The following CSMD1 variants were observed in gnomAD, a reference collection of about 807,000 sequenced individuals.
CSMD1 encodes CUB and Sushi multiple domains 1.
A neutral mutation model predicts 417.5 loss-of-function variants in CSMD1; 213 were observed. The observed-to-expected ratio is 0.51, with a 90% CI of 0.46 to 0.57. The LOEUF (loss-of-function observed/expected upper bound fraction) is 0.57. Ranked by LOEUF, CSMD1 falls within the 20% of genes least tolerant of loss-of-function variation. The pLI is 0.00. For synonymous variants in CSMD1, 2,862 were observed against 1,736.8 expected, an observed-to-expected ratio of 1.65 and a Z score of -16.11; for missense variants, 6,923 against 4,529.7, an observed-to-expected ratio of 1.53 and a Z score of -15.17.
chr8:4,769,988 T>C (rs1258059439), intron 1 of CSMD1, among the ~76,000 whole-genome samples: 2 of 151,964 alleles, frequency 1.3e-5, no homozygotes, highest in African/African-American at 4.8e-5. Context: ...AGAAACTCTC[T>C]CTCCCTCCCT....
chr8:3,409,681 A>T (rs933085495), intron 12 of CSMD1, 76 bp from the exon 13 acceptor site: 2 of 1,186,684 alleles, frequency 1.7e-6, no homozygotes, highest in African/African-American at 3.1e-5. Flanking sequence ...CTTAGAAAGT[A>T]AATACGTGGC....
chr8:3,794,964 T>C (rs1410062060), intron 5 of CSMD1, among the ~76,000 whole-genome samples: 1 of 151,898 alleles, frequency 6.6e-6, no homozygotes, highest in East Asian at 1.9e-4. Context: ...ATATCTATCA[T>C]GTATAGCTAT....
At chr8:4,066,531 T>C (rs141011888) in intron 3 of CSMD1, among the ~76,000 whole-genome samples, 1 of 152,322 alleles carries the variant, frequency 6.6e-6, no homozygotes, top group East Asian at 1.9e-4. Flanking sequence ...TCTAAATGTA[T>C]CTACCTGAAA....
chr8:3,891,114 T>C (rs991360009), intron 5 of CSMD1, among the ~76,000 whole-genome samples: 3 of 152,104 alleles, frequency 2.0e-5, no homozygotes, highest in African/African-American at 7.2e-5. Context: ...AGTGTTGTGA[T>C]CTTGGCTCAT....
intron 2 of CSMD1, among the ~76,000 whole-genome samples, chr8:4,632,040 C>A (rs1001022439): frequency 6.6e-6 from 1 of 152,144 alleles, no homozygotes. Flanking sequence ...TCAATTGTTT[C>A]TGATTTGGGA....
At chr8:3,205,721 G>A in intron 30 of CSMD1, 101 bp from the exon 31 acceptor site, 1 of 506,142 alleles carries the variant, frequency 2.0e-6, no homozygotes, top group Non-Finnish European at 3.5e-6. Context: ...CACGTTTATT[G>A]AAAACTTGAC....
At chr8:3,401,421 T>C (rs1812031340) in intron 15 of CSMD1, among the ~76,000 whole-genome samples, 1 of 152,198 alleles carries the variant, frequency 6.6e-6, no homozygotes. Flanking sequence ...TTACAGTGTA[T>C]GTTAGAACCT....
intron 6 of CSMD1, among the ~76,000 whole-genome samples, chr8:3,745,883 G>A (rs540582069): frequency 1.4e-3 from 210 of 152,276 alleles, no homozygotes; most frequent in African/African-American, 4.9e-3. Flanking sequence ...GTAATTGCCT[G>A]GGGAGCAGTC....
intron 1 of CSMD1, among the ~76,000 whole-genome samples, chr8:4,937,697 G>A (rs888752638): frequency 6.6e-6 from 1 of 152,100 alleles, no homozygotes; most frequent in African/African-American, 2.4e-5. Flanking sequence ...TTCTTTAGGG[G>A]TATGAACGAT....
intron 6 of CSMD1, among the ~76,000 whole-genome samples, chr8:3,727,275 A>G (rs1403861051): frequency 6.6e-6 from 1 of 152,216 alleles, no homozygotes; most frequent in Non-Finnish European, 1.5e-5. Context: ...AATTCTACAT[A>G]CACATACCTT....
chr8:4,621,824 G>A (rs1563342152), intron 2 of CSMD1, among the ~76,000 whole-genome samples: 1 of 151,988 alleles, frequency 6.6e-6, no homozygotes, highest in Non-Finnish European at 1.5e-5. Flanking sequence ...AAAATCTAGT[G>A]TACCTTACGA....
chr8:4,045,447 C>T (rs1201387181), intron 3 of CSMD1, among the ~76,000 whole-genome samples: 3 of 152,132 alleles, frequency 2.0e-5, no homozygotes, highest in African/African-American at 4.8e-5. Context: ...CTGCTGAGAA[C>T]GTCGGAAGGG....
intron 2 of CSMD1, among the ~76,000 whole-genome samples, chr8:4,553,714 G>C (rs756565072): frequency 2.1e-4 from 32 of 152,146 alleles, no homozygotes; most frequent in Non-Finnish European, 4.3e-4. Flanking sequence ...GACGTTAATT[G>C]TGCCTCATGG....
At chr8:3,015,099 G>GAA (rs112300846) in intron 52 of CSMD1, among the ~76,000 whole-genome samples, 191 of 147,670 alleles carry the variant, frequency 1.3e-3, no homozygotes, top group East Asian at 8.7e-3. Context: ...GCTTCTTAAT[G>GAA]AAAAAAAAAA....
chr8:2,974,417 T>C, intron 56 of CSMD1, 34 bp downstream of exon 56: 4 of 1,483,298 alleles, frequency 2.7e-6, no homozygotes, highest in Non-Finnish European at 3.6e-6. Flanking sequence ...ATTTGAAATC[T>C]GTAATTCTGT....
At chr8:3,163,653 G>A (rs1820033342) in intron 37 of CSMD1, among the ~76,000 whole-genome samples, 1 of 151,870 alleles carries the variant, frequency 6.6e-6, no homozygotes, top group Middle Eastern at 3.4e-3. Context: ...AAGATAAAAT[G>A]ATTAAGAACT....
intron 8 of CSMD1, among the ~76,000 whole-genome samples, chr8:3,608,862 C>A (rs1801751529): frequency 6.6e-6 from 1 of 152,040 alleles, no homozygotes; most frequent in Non-Finnish European, 1.5e-5. Context: ...ACACCCCTTG[C>A]AGTGATCAAT....
intron 25 of CSMD1, among the ~76,000 whole-genome samples, chr8:3,294,234 C>CT (rs1397688981): frequency 5.5e-5 from 6 of 108,664 alleles, no homozygotes; most frequent in East Asian, 2.5e-4. Flanking sequence ...TTGGCCCCTA[C>CT]TGGGGGGTGC....
intron 3 of CSMD1, among the ~76,000 whole-genome samples, chr8:4,233,986 C>T (rs1039497900): frequency 6.6e-6 from 1 of 151,962 alleles, no homozygotes; most frequent in Non-Finnish European, 1.5e-5. Context: ...GGTGGGGGAA[C>T]ATGTGATCCC....
Sources: allele counts gnomAD v4.1 joint callset (sites outside exome capture counted in the v4.1 genomes callset), GRCh38; gene constraint gnomAD v4.1.1; transcripts MANE v1.5; gene names NCBI Gene and HGNC (gene_info 2026-07-23, HGNC 2026-07-21).